The following GAP43 variants were observed in gnomAD, a reference collection of about 807,000 sequenced individuals.
GAP43 encodes growth associated protein 43.
Under a neutral mutation model 18.6 loss-of-function variants are expected in GAP43, and 6 were observed. The observed-to-expected ratio is 0.32, with a 90% confidence interval of 0.18 to 0.64. The LOEUF is 0.64. Among genes scored for constraint, GAP43 ranks in the 30% least tolerant of loss-of-function variants. GAP43 has a pLI of 0.78. For missense variants in GAP43, 292 were observed against 295.5 expected (o/e 0.99, Z 0.09); for synonymous variants, 115 against 111.4 (o/e 1.03, Z -0.20).
At chr3:115,643,769 T>C (rs1708426610) in intron 1 of GAP43, among the ~76,000 whole-genome samples, 1 of 152,024 alleles carries the variant, frequency 6.6e-6, no homozygotes, top group Non-Finnish European at 1.5e-5. Context: ...CTACTCAAGA[T>C]ACTTATTACA....
At chr3:115,677,603 C>T (rs1474634979) in intron 2 of GAP43, among the ~76,000 whole-genome samples, 1 of 152,086 alleles carries the variant, frequency 6.6e-6, no homozygotes, top group South Asian at 2.1e-4. Context: ...CTAATATGAC[C>T]GATAAATACT....
chr3:115,672,185 C>A (rs1576989730), intron 1 of GAP43, among the ~76,000 whole-genome samples: 1 of 152,138 alleles, frequency 6.6e-6, no homozygotes, highest in South Asian at 2.1e-4. Flanking sequence ...ACAAGCTGGG[C>A]CACTGCCTCC....
intron 2 of GAP43, among the ~76,000 whole-genome samples, chr3:115,695,788 C>T (rs985523321): frequency 6.6e-6 from 1 of 152,304 alleles, no homozygotes; most frequent in East Asian, 1.9e-4. Flanking sequence ...CAAACGACCT[C>T]CACATCGCCA....
chr3:115,719,956 C>T (rs1453980796), intron 2 of GAP43, among the ~76,000 whole-genome samples: 2 of 152,120 alleles, frequency 1.3e-5, no homozygotes, highest in African/African-American at 4.8e-5. Context: ...AATTTTTCTT[C>T]AAAAAGACAT....
chr3:115,631,237 A>G (rs949223714), intron 1 of GAP43, among the ~76,000 whole-genome samples: 2 of 152,106 alleles, frequency 1.3e-5, no homozygotes, highest in Non-Finnish European at 2.9e-5. Flanking sequence ...GTCCTGTTTC[A>G]TGTCTTTGTA....
At chr3:115,640,921 CCTT>C (rs1386232249) in intron 1 of GAP43, among the ~76,000 whole-genome samples, 2 of 144,550 alleles carry the variant, frequency 1.4e-5, no homozygotes, top group African/African-American at 2.5e-5. Flanking sequence ...TTCTTTCTTT[CCTT>C]CTTTTTTTCC....
In GAP43 at chr3:115,686,746, T is replaced by C. The variant is rs191834918; in HGVS notation, c.628+10136T>C. Among the ~76,000 whole-genome samples, 191 of 152,306 alleles carry C rather than the reference T, an allele frequency of 1.3e-3. 1 individual carries two copies. Among genetic ancestry groups the C allele is most frequent in the Non-Finnish European group, 1.3e-3 (89 of 68,002 alleles). On this transcript the variant is annotated intron_variant, in intron 2 of 2. Transcript: ENST00000305124. Reference sequence around the variant, plus strand: ...TAAGAAAAGAAGGAAAATTTAAAAATAGACATGTTGATGGAGGCAATAGTT... The same window carrying C: ...TAAGAAAAGAAGGAAAATTTAAAAACAGACATGTTGATGGAGGCAATAGTT...
intron 2 of GAP43, among the ~76,000 whole-genome samples, chr3:115,709,209 A>G (rs1709404215): frequency 2.0e-5 from 3 of 152,132 alleles, no homozygotes; most frequent in Admixed American, 2.0e-4. Flanking sequence ...ACAAATTTAC[A>G]TGTCTTACTC....
intron 1 of GAP43, among the ~76,000 whole-genome samples, chr3:115,645,336 CAAGT>C (rs1242122348): frequency 6.6e-6 from 1 of 151,958 alleles, no homozygotes; most frequent in African/African-American, 2.4e-5. Context: ...CAATACTCCT[CAAGT>C]GAGTGAAAGC....
At chr3:115,665,989 A>AGTTT (rs1273344906) in intron 1 of GAP43, among the ~76,000 whole-genome samples, 3,045 of 61,704 alleles carry the variant, frequency 0.049, 37 homozygotes, top group African/African-American at 0.068. Flanking sequence ...TGGCTAAATG[A>AGTTT]GTGTGTGTGT....
At chr3:115,701,903 T>C (rs1324279489) in intron 2 of GAP43, among the ~76,000 whole-genome samples, 1 of 152,150 alleles carries the variant, frequency 6.6e-6, no homozygotes, top group East Asian at 1.9e-4. Flanking sequence ...ATTGTATTAG[T>C]ACAGTTCCTA....
At chr3:115,701,204 T>G (rs766158637) in intron 2 of GAP43, among the ~76,000 whole-genome samples, 2 of 152,124 alleles carry the variant, frequency 1.3e-5, no homozygotes, top group African/African-American at 2.4e-5. Context: ...AACAGAATGA[T>G]ATGTTAAGAT....
At chr3:115,668,687 G>GTCTC (rs1344325615) in intron 1 of GAP43, among the ~76,000 whole-genome samples, 2 of 151,826 alleles carry the variant, frequency 1.3e-5, no homozygotes. Context: ...GCCTCACAAA[G>GTCTC]TGCTGAGATT....
intron 2 of GAP43, among the ~76,000 whole-genome samples, chr3:115,711,192 A>G (rs1709432867): frequency 6.6e-6 from 1 of 152,208 alleles, no homozygotes; most frequent in Non-Finnish European, 1.5e-5. Context: ...ACCATATATC[A>G]AAGTTCTTAA....
chr3:115,666,133 G>C (rs532886004), intron 1 of GAP43, among the ~76,000 whole-genome samples: 1 of 151,936 alleles, frequency 6.6e-6, no homozygotes, highest in Non-Finnish European at 1.5e-5. Flanking sequence ...TGAAGTTTTG[G>C]GGGGTGGGTA....
intron 1 of GAP43, among the ~76,000 whole-genome samples, chr3:115,657,477 T>C (rs931022829): frequency 6.9e-6 from 1 of 144,750 alleles, no homozygotes; most frequent in African/African-American, 2.9e-5. Flanking sequence ...TTCGCAAATA[T>C]TTTTTCAGTA....
chr3:115,651,659 A>G lies in GAP43; in HGVS notation c.31-24354A>G, dbSNP rs567219755. Among the ~76,000 whole-genome samples the G allele has an allele frequency of 3.3e-4, 50 of 152,310 alleles. 1 individual carries two copies. Among genetic ancestry groups the G allele is most frequent in the African/African-American group, 1.1e-3 (46 of 41,570 alleles). Reference sequence around the variant, plus strand: ...TTTTTCTGATAAACACCTCAAAAGCATATAGTAATTTCCTCCATTTTTATC... The same window carrying G: ...TTTTTCTGATAAACACCTCAAAAGCGTATAGTAATTTCCTCCATTTTTATC... On this transcript the variant is annotated intron_variant, in intron 1 of 2. Coordinates refer to ENST00000305124, the MANE Select transcript of GAP43 (RefSeq NM_002045.4).
intron 1 of GAP43, among the ~76,000 whole-genome samples, chr3:115,664,332 TAAAAG>T (rs1438161827): frequency 6.6e-6 from 1 of 152,042 alleles, no homozygotes; most frequent in Non-Finnish European, 1.5e-5. Context: ...TGTGGAGCTA[TAAAAG>T]AAAACTATAA....
chr3:115,627,324 C>T (rs1708203031), intron 1 of GAP43, among the ~76,000 whole-genome samples: 1 of 151,292 alleles, frequency 6.6e-6, no homozygotes, highest in African/African-American at 2.4e-5. Context: ...CCCTCCCCTA[C>T]CAACCCATGC....
Sources: allele counts gnomAD v4.1 joint callset (sites outside exome capture counted in the v4.1 genomes callset), GRCh38; gene constraint gnomAD v4.1.1; transcripts MANE v1.5; gene names NCBI Gene and HGNC (gene_info 2026-07-23, HGNC 2026-07-21).